ZNF814: variants seen among roughly 807,000 people sequenced by gnomAD.
ZNF814 encodes the protein zinc finger protein 814.
In ZNF814, 5 loss-of-function variants were observed where a neutral mutation model predicts 7.5. The ratio of observed to expected loss-of-function variants is 0.67; its 90% CI spans 0.35 to 1.40. ZNF814 has a LOEUF of 1.40. Among genes scored for constraint, ZNF814 ranks in the 40% most tolerant of loss-of-function variants. The pLI is 0.04. For synonymous variants in ZNF814, 315 were observed against 340.7 expected (o/e 0.92, Z 0.83); for missense variants, 962 against 1,018.0 (o/e 0.94, Z 0.75).
chr19:57,888,830 G>C lies in ZNF814; in HGVS notation c.-28C>G, dbSNP rs74374013. On this transcript the variant is annotated 5_prime_UTR_variant, in exon 1 of 3. Coordinates refer to ENST00000435989, the MANE Select transcript of ZNF814 (RefSeq NM_001144989.2). ...AACCACGTGGTTTTAAGCAGAGTCGGGAGGATAGGGCGACCAGCCAGGAGA... is the reference window on the plus strand; with the variant it reads ...AACCACGTGGTTTTAAGCAGAGTCGCGAGGATAGGGCGACCAGCCAGGAGA... 2 of 1,551,566 alleles carry C rather than the reference G, an allele frequency of 1.3e-6. No homozygotes were observed. Among genetic ancestry groups the C allele is most frequent in the Middle Eastern group, 1.7e-4 (1 of 5,990 alleles).
Position 57,874,036 on chromosome 19 carries a change from T to C in ZNF814, c.1354A>G (p.Arg452Gly). The change falls in exon 3 of 3, where the codon AGG becomes GGG. Residue 452 changes from arginine (R) to glycine (G), a missense_variant. Coordinates refer to ENST00000435989, the MANE Select transcript of ZNF814 (RefSeq NM_001144989.2). The part of the protein sequence containing the change: ...GKSFSSEGHL[R>G]SHQRVHAGER... ...CCGGCGTGAACTCGTTGATGGCTCC[T>C]AAGATGTCCTTCTGAACTAAAAGAT... 1.2e-6 allele frequency: 2 copies of C among 1,612,408 alleles called. No individual in the cohort carries two copies. The highest frequency in any genetic ancestry group is 1.7e-6 in the Non-Finnish European group (2 of 1,179,244).
rs1006883022 is a variant in ZNF814, at chr19:57,869,517, A to C, written c.*3305T>G. 1 of 152,162 alleles carries C rather than the reference A, an allele frequency of 6.6e-6. No homozygotes were observed. Among genetic ancestry groups the C allele is most frequent in the South Asian group, 2.1e-4 (1 of 4,830 alleles). The allele number at this position is 152,162 out of a possible 1,614,324, so 9.4% of individuals were successfully genotyped here. A position where few individuals can be genotyped will look rare whatever the true frequency, so the allele number is the denominator to read the frequency against. ...CTTTATAAAAAGGTTCCAAGTAAAT[A>C]TAAAGGTGTTAAGTTCATTATTGTG... On this transcript the variant is annotated 3_prime_UTR_variant, in exon 3 of 3. Coordinates refer to ENST00000435989, the MANE Select transcript of ZNF814 (RefSeq NM_001144989.2).
upstream of ZNF814, among the ~76,000 whole-genome samples, chr19:57,889,298 G>C (rs886142694): frequency 1.3e-5 from 2 of 152,142 alleles, no homozygotes; most frequent in Admixed American, 1.3e-4. Context: ...AATTCCACCA[G>C]TTTGGGAGGC....
At chr19:57,887,527 G>C (rs79817087) in intron 1 of ZNF814, among the ~76,000 whole-genome samples, 8,665 of 152,198 alleles carry the variant, frequency 0.057, 332 homozygotes, top group Middle Eastern at 0.082. Flanking sequence ...GCCCAACCTT[G>C]TTTTCACTAA....
chr19:57,874,186 G>C lies in ZNF814; in HGVS notation c.1204C>G (p.His402Asp), dbSNP rs1169696547. 4 of 1,581,134 alleles carry C rather than the reference G, an allele frequency of 2.5e-6. No individual in the cohort carries two copies. The African/African-American group carries it at 4.1e-5, about 16-fold the overall frequency. Residue 402 changes from histidine (H) to aspartate (D), a missense_variant, in exon 3 of 3, where the codon CAC becomes GAC. Transcript: ENST00000435989. ...YASFSNHQRV[H>D]TDKKHYECGE... ...CATTCATAATGTTTTTTGTCAGTGT[G>C]AACTCTCTGATGATTACTGAAGCTA...
chr19:57,880,761 G>A (rs985549129), intron 1 of ZNF814, among the ~76,000 whole-genome samples: 3 of 147,896 alleles, frequency 2.0e-5, no homozygotes, highest in South Asian at 2.2e-4. Context: ...GGGATTACAG[G>A]CACCTGCCAC....
In ZNF814 at chr19:57,883,285, G is replaced by T. The variant is rs142928674; in HGVS notation, c.36+5482C>A. 6.3e-3 allele frequency among the ~76,000 whole-genome samples: 954 copies of T among 151,772 alleles called. 8 individuals carry two copies. Among genetic ancestry groups the T allele is most frequent in the Non-Finnish European group, 0.01 (702 of 67,882 alleles). On this transcript the variant is annotated intron_variant, in intron 1 of 2. Transcript: ENST00000435989. ...AGGCAGGAGAATGGCATGAACCCCA[G>T]GGGGGCAGAGCCTACAGTGAGCTGA...
chr19:57,883,354 T>C (rs1199351984), intron 1 of ZNF814, among the ~76,000 whole-genome samples: 2 of 98,350 alleles, frequency 2.0e-5, no homozygotes, highest in Admixed American at 1.2e-4. Context: ...CGAGACTCCA[T>C]CTCAAAAAAA....
Position 57,872,556 on chromosome 19 carries a change from A to T in ZNF814, c.*266T>A. The T allele has an allele frequency of 1.1e-6, 1 of 883,282 alleles. No homozygotes were observed. Among genetic ancestry groups the T allele is most frequent in the Non-Finnish European group, 1.7e-6 (1 of 572,684 alleles). 54.7% of individuals were successfully genotyped at this position (883,282 alleles called of 1,614,324 possible). On this transcript the variant is annotated 3_prime_UTR_variant, in exon 3 of 3. Coordinates refer to ENST00000435989, the MANE Select transcript of ZNF814 (RefSeq NM_001144989.2). Reference sequence around the variant, plus strand: ...AAGACCTTCAGGTAACTTTTTTCCCACATTTGCTGCAATCACAAGACCTTA... The same window carrying T: ...AAGACCTTCAGGTAACTTTTTTCCCTCATTTGCTGCAATCACAAGACCTTA...
Position 57,876,995 on chromosome 19 carries a change from T to C in ZNF814, c.84A>G (p.Glu28=). The C allele has an allele frequency of 6.2e-7, 1 of 1,614,102 alleles. No homozygotes were observed. ...TCTGAGCCTCACTAAGGAGATTCCA[T>C]TCCTCCCAGGTAAAGTTCACAGCCA... The part of the protein sequence containing the change: ...EDVAVNFTWE[E]WNLLSEAQRC... The change falls in exon 2 of 3, where the codon GAA becomes GAG. Residue 28 remains glutamate (E), a synonymous_variant. Coordinates refer to ENST00000435989, the MANE Select transcript of ZNF814 (RefSeq NM_001144989.2).
At position 57,886,883 on chromosome 19, in the gene ZNF814, A is replaced by AAAAT. The variant is rs537079859; in HGVS notation, c.36+1880_36+1883dup. Among the ~76,000 whole-genome samples, 754 of 151,016 alleles carry AAAAT rather than the reference A, an allele frequency of 5.0e-3. 11 individuals carry two copies. Among genetic ancestry groups the AAAAT allele is most frequent in the African/African-American group, 0.018 (719 of 40,972 alleles). On this transcript the variant is annotated intron_variant, in intron 1 of 2. Coordinates refer to ENST00000435989, the MANE Select transcript of ZNF814 (RefSeq NM_001144989.2). ...TGACAGACTGAGACGCTGTCTCAGT[A>AAAAT]AAATAAATAAATAAATAAAATAGGC...
At chr19:57,904,971 CAG>C in the ZNF814 span, among the ~76,000 whole-genome samples, 7 of 140,632 alleles carry the variant, frequency 5.0e-5, no homozygotes, top group East Asian at 8.7e-4. Context: ...TGCTTGAACT[CAG>C]GGGGCAGAAG....
the ZNF814 span, among the ~76,000 whole-genome samples, chr19:57,904,275 G>A: frequency 0.038 from 5,793 of 152,116 alleles, 164 homozygotes; most frequent in Non-Finnish European, 0.06. Flanking sequence ...ACATCCGCAC[G>A]TCCTCTCCAC....
At chr19:57,883,984 T>C (rs1311438940) in intron 1 of ZNF814, among the ~76,000 whole-genome samples, 3 of 152,170 alleles carry the variant, frequency 2.0e-5, no homozygotes, top group African/African-American at 7.2e-5. Context: ...CTCAAACTCC[T>C]GACCTCAGGT....
chr19:57,901,493 T>TC, the ZNF814 span, among the ~76,000 whole-genome samples: 1 of 152,202 alleles, frequency 6.6e-6, no homozygotes, highest in Non-Finnish European at 1.5e-5. Context: ...CTTCTGTCTC[T>TC]CCAAGTGACA....
At chr19:57,891,748 CCTTTA>C (rs1451279098), upstream of ZNF814, among the ~76,000 whole-genome samples, 18 of 149,982 alleles carry the variant, frequency 1.2e-4, no homozygotes, top group Admixed American at 1.1e-3. Flanking sequence ...CTCTTTTATT[CCTTTA>C]CTTTCTTTTC....
chr19:57,892,474 A>G (rs1444178577), upstream of ZNF814, among the ~76,000 whole-genome samples: 1 of 152,198 alleles, frequency 6.6e-6, no homozygotes, highest in Non-Finnish European at 1.5e-5. Flanking sequence ...ATTACTTCCT[A>G]AGAGTTAGGG....
the ZNF814 span, among the ~76,000 whole-genome samples, chr19:57,899,663 T>G: frequency 6.6e-6 from 1 of 152,326 alleles, no homozygotes; most frequent in Admixed American, 6.5e-5. Flanking sequence ...CTTCAATTAC[T>G]TGAAGAAAAA....
chr19:57,896,544 A>G, the ZNF814 span, among the ~76,000 whole-genome samples: 7 of 152,166 alleles, frequency 4.6e-5, no homozygotes, highest in Admixed American at 2.0e-4. This position sits in a 1 kb window ranked among gnomAD's most constrained non-coding sequence, Gnocchi z 4.2. Flanking sequence ...TAAAATCTGG[A>G]GCAATTGGTG....
Sources: allele counts gnomAD v4.1 joint callset (sites outside exome capture counted in the v4.1 genomes callset), GRCh38; gene constraint gnomAD v4.1.1; non-coding constraint Gnocchi (gnomAD v3.1); transcripts MANE v1.5; gene names NCBI Gene and HGNC (gene_info 2026-07-23, HGNC 2026-07-21).